The following MGAT5 variants were observed in gnomAD, a reference collection of about 807,000 sequenced individuals.
MGAT5 encodes alpha-1,6-mannosylglycoprotein 6-beta-N-acetylglucosaminyltransferase A.
Under a neutral mutation model 94.3 loss-of-function variants are expected in MGAT5, and 30 were observed. The observed-to-expected ratio is 0.32, with a 90% CI of 0.24 to 0.43. The LOEUF (loss-of-function observed/expected upper bound fraction) is 0.43, where lower values mean the gene tolerates loss of function less well. Ranked by LOEUF, MGAT5 falls within the 20% of genes least tolerant of loss-of-function variation. The probability of loss-of-function intolerance (pLI) is 1.00; values close to 1 mark genes in which losing one functional copy is unlikely to be tolerated. For synonymous variants in MGAT5, 310 were observed against 322.9 expected (o/e 0.96, Z 0.43); for missense variants, 691 against 905.5 (o/e 0.76, Z 3.04).
intron 10 of MGAT5, among the ~76,000 whole-genome samples, chr2:134,378,687 C>T (rs1407873544): frequency 6.7e-6 from 1 of 149,816 alleles, no homozygotes; most frequent in African/African-American, 2.5e-5. Context: ...ATGATCTCGG[C>T]TCACTGCCAC....
chr2:134,402,523 T>C (rs1683112394), intron 10 of MGAT5, among the ~76,000 whole-genome samples: 1 of 152,212 alleles, frequency 6.6e-6, no homozygotes. Flanking sequence ...GGAATGTTTG[T>C]ATTCCTCTGG....
At chr2:134,277,163 A>G (rs1472088348) in intron 2 of MGAT5, among the ~76,000 whole-genome samples, 1 of 152,174 alleles carries the variant, frequency 6.6e-6, no homozygotes, top group Non-Finnish European at 1.5e-5. Flanking sequence ...CCACCACTTC[A>G]TAGCAGTGTG....
chr2:134,128,481 G>C (rs1330192215), intron 1 of MGAT5, among the ~76,000 whole-genome samples: 2 of 152,138 alleles, frequency 1.3e-5, no homozygotes, highest in African/African-American at 4.8e-5. Flanking sequence ...TGTTTTTCAT[G>C]ATAATGAGTT....
intron 1 of MGAT5, among the ~76,000 whole-genome samples, chr2:134,235,833 G>A (rs1342956055): frequency 6.6e-6 from 1 of 151,772 alleles, no homozygotes; most frequent in Non-Finnish European, 1.5e-5. Context: ...TTGAGGCAAG[G>A]GATAAAAGGG....
rs183605037 is a variant in MGAT5, at chr2:134,380,831, A to C, written c.1380+18423A>C. 3.1e-3 allele frequency among the ~76,000 whole-genome samples: 474 copies of C among 152,344 alleles called. 2 individuals are homozygous for C. Among genetic ancestry groups the C allele is most frequent in the Non-Finnish European group, 5.5e-3 (372 of 68,032 alleles). ...TCATTGACAGTACATACAACTGTAG[A>C]GCAGACACTGTTGTAAGGTTTGGTA... On this transcript the variant is annotated intron_variant, in intron 10 of 15. Transcript: ENST00000281923.
At chr2:134,358,701 G>T (rs887825626) in intron 9 of MGAT5, among the ~76,000 whole-genome samples, 6 of 152,224 alleles carry the variant, frequency 3.9e-5, no homozygotes, top group Non-Finnish European at 8.8e-5. Flanking sequence ...GATTTATGCA[G>T]TTGAAAGAAA....
chr2:134,243,924 G>T (rs932026194), intron 1 of MGAT5, among the ~76,000 whole-genome samples: 2 of 152,140 alleles, frequency 1.3e-5, no homozygotes, highest in African/African-American at 4.8e-5. Context: ...TTATCTTGAA[G>T]GCATTACCCA....
At chr2:134,442,065 C>T (rs1184515031) in intron 15 of MGAT5, 150 bp downstream of exon 15, 2 of 841,120 alleles carry the variant, frequency 2.4e-6, no homozygotes, top group Non-Finnish European at 3.7e-6. Flanking sequence ...GCAGGATCCC[C>T]CTAGAGAGTT....
chr2:134,332,870 C>G (rs9750075), intron 4 of MGAT5, among the ~76,000 whole-genome samples: 5,081 of 151,546 alleles, frequency 0.034, 237 homozygotes, highest in African/African-American at 0.11. Context: ...AAATGCAAAT[C>G]AAAACCACAA....
At chr2:134,379,005 C>T (rs183865850) in intron 10 of MGAT5, among the ~76,000 whole-genome samples, 40 of 152,256 alleles carry the variant, frequency 2.6e-4, no homozygotes, top group Admixed American at 6.5e-4. Context: ...TTGAGGCCCC[C>T]GGCTTTCAGT....
In MGAT5 at chr2:134,335,669, A is replaced by G. The variant is rs146491384; in HGVS notation, c.574-548A>G. The stretch of plus-strand genomic sequence containing the variant: ...AGGTTTTACCACCTTATTTCTTGAG[A>G]TAGTGTGAAGCAAATAGCTAGAAAA... On this transcript the variant is annotated intron_variant, in intron 4 of 15. Coordinates refer to ENST00000281923, the MANE Select transcript of MGAT5 (RefSeq NM_002410.5). Among the ~76,000 whole-genome samples the G allele has an allele frequency of 4.6e-5, 7 of 150,612 alleles. No homozygotes were observed. The East Asian group carries it at 1.4e-3, about 30-fold the overall frequency.
At chr2:134,156,257 G>A (rs539331340) in intron 1 of MGAT5, among the ~76,000 whole-genome samples, 10 of 152,314 alleles carry the variant, frequency 6.6e-5, no homozygotes, top group South Asian at 6.2e-4. Flanking sequence ...TTCTCAAACC[G>A]TAGTGTGCAT....
intron 1 of MGAT5, among the ~76,000 whole-genome samples, chr2:134,259,592 T>C (rs1320995197): frequency 6.6e-6 from 1 of 152,184 alleles, no homozygotes; most frequent in Non-Finnish European, 1.5e-5. Flanking sequence ...CCAGCTTCTC[T>C]CTGCCGACCC....
chr2:134,274,365 C>T (rs1230079758), intron 2 of MGAT5, among the ~76,000 whole-genome samples: 2 of 152,200 alleles, frequency 1.3e-5, no homozygotes, highest in South Asian at 2.1e-4. Context: ...CTTGGTATTT[C>T]GTTTCCCTAG....
intron 11 of MGAT5, among the ~76,000 whole-genome samples, chr2:134,407,112 C>G (rs562126298): frequency 6.6e-6 from 1 of 152,154 alleles, no homozygotes; most frequent in Non-Finnish European, 1.5e-5. Context: ...GTATACCCTG[C>G]GCCTAGATCT....
At chr2:134,344,028 G>A (rs144660893) in intron 7 of MGAT5, among the ~76,000 whole-genome samples, 1 of 152,304 alleles carries the variant, frequency 6.6e-6, no homozygotes, top group African/African-American at 2.4e-5. Flanking sequence ...GTAGTACAGA[G>A]CTGTCAAGCA....
intron 1 of MGAT5, among the ~76,000 whole-genome samples, chr2:134,246,396 C>A (rs1218642657): frequency 6.6e-6 from 1 of 152,158 alleles, no homozygotes; most frequent in African/African-American, 2.4e-5. Context: ...TGAATGACCT[C>A]AGAGCTTCTT....
intron 10 of MGAT5, among the ~76,000 whole-genome samples, chr2:134,372,216 G>A (rs1359401379): frequency 1.3e-5 from 2 of 152,216 alleles, no homozygotes; most frequent in Non-Finnish European, 2.9e-5. Flanking sequence ...ACATCAGGCT[G>A]TAGAAGACAC....
chr2:134,301,139 C>T (rs774571091), intron 2 of MGAT5, among the ~76,000 whole-genome samples: 4 of 152,006 alleles, frequency 2.6e-5, no homozygotes, highest in Non-Finnish European at 2.9e-5. Flanking sequence ...TTGCAGAGTC[C>T]GGCCTCTTTT....
Sources: gnomAD v4.1 joint callset for allele counts (sites outside exome capture counted in the v4.1 genomes callset) on GRCh38, gnomAD v4.1.1 for gene constraint, MANE v1.5 for transcripts, NCBI Gene and HGNC (gene_info 2026-07-23, HGNC 2026-07-21) for gene names.